HCFC2: variants seen among roughly 807,000 people sequenced by gnomAD.
HCFC2 encodes host cell factor C2, also known as host cell factor 2.
Under a neutral mutation model 89.2 loss-of-function variants are expected in HCFC2, and 18 were observed. The ratio of observed to expected loss-of-function variants is 0.20; its 90% CI spans 0.14 to 0.30. The LOEUF is 0.30. Among genes scored for constraint, HCFC2 ranks in the 10% least tolerant of loss-of-function variants. The probability of loss-of-function intolerance (pLI) is 1.00; values close to 1 mark genes in which losing one functional copy is unlikely to be tolerated. For synonymous variants in HCFC2, 308 were observed against 335.7 expected (o/e 0.92, Z 0.90); for missense variants, 578 against 956.1 (o/e 0.60, Z 5.21).
At chr12:104,090,507 T>TA (rs398116826) in intron 9 of HCFC2, among the ~76,000 whole-genome samples, 1 of 152,080 alleles carries the variant, frequency 6.6e-6, no homozygotes, top group African/African-American at 2.4e-5. Context: ...CTTTTTTTTT[T>TA]ATAAACTAGT....
chr12:104,080,097 T>A (rs1393672621), intron 4 of HCFC2, among the ~76,000 whole-genome samples: 1 of 152,186 alleles, frequency 6.6e-6, no homozygotes, highest in African/African-American at 2.4e-5. Flanking sequence ...TAGGAATGAA[T>A]GATTGGAGGG....
In HCFC2 at chr12:104,075,939, G is replaced by T. The variant is rs1475311014; in HGVS notation, c.474-3506G>T. Among the ~76,000 whole-genome samples the T allele has an allele frequency of 2.6e-5, 4 of 151,792 alleles. No homozygotes were observed. The East Asian group carries it at 7.7e-4, about 29-fold the overall frequency. The stretch of plus-strand genomic sequence containing the variant: ...TCTATTTTCTCTTTAAAAGTAATTT[G>T]CTACAATTTTTTAAAGATCTCCAAG... On this transcript the variant is annotated intron_variant, in intron 3 of 14. Transcript: ENST00000229330.
At chr12:104,100,123 A>G (rs1593613274) in intron 13 of HCFC2, among the ~76,000 whole-genome samples, 2 of 152,204 alleles carry the variant, frequency 1.3e-5, no homozygotes, top group Non-Finnish European at 2.9e-5. Flanking sequence ...AAGAAATCTA[A>G]AAACCCTGAT....
chr12:104,066,040 C>T, intron 1 of HCFC2, 127 bp from the exon 2 acceptor site: 1 of 896,418 alleles, frequency 1.1e-6, no homozygotes, highest in African/African-American at 1.7e-5. Flanking sequence ...CAGACATTAC[C>T]AAATGTCTTC....
In HCFC2 at chr12:104,093,470, C is replaced by G; in HGVS notation, c.1369C>G (p.Leu457Val). 5 of 1,613,348 alleles carry G rather than the reference C, an allele frequency of 3.1e-6. No individual in the cohort carries two copies. The highest frequency in any genetic ancestry group is 4.2e-6 in the Non-Finnish European group (5 of 1,179,514). ...SMKNKPDFKA[L>V]TDSNAILYPS... ...GAAAAACAAACCAGACTTTAAAGCA[C>G]TGACGGATTCTAATGCCATTTTATA... The change falls in exon 10 of 15, where the codon CTG becomes GTG. Residue 457 changes from leucine (L) to valine (V), a missense_variant. Coordinates refer to ENST00000229330, the MANE Select transcript of HCFC2 (RefSeq NM_013320.3).
intron 7 of HCFC2, among the ~76,000 whole-genome samples, chr12:104,085,530 A>T (rs1296627786): frequency 6.6e-6 from 1 of 152,188 alleles, no homozygotes; most frequent in African/African-American, 2.4e-5. Flanking sequence ...AAAGATTTTT[A>T]AAAATTGGAT....
intron 13 of HCFC2, among the ~76,000 whole-genome samples, chr12:104,100,558 A>T: frequency 6.6e-6 from 1 of 152,118 alleles, no homozygotes; most frequent in East Asian, 1.9e-4. Context: ...TGGATGACAG[A>T]GTGAGATGCT....
At position 104,064,995 on chromosome 12, in the gene HCFC2, C is replaced by G. The variant is rs1412360685; in HGVS notation, c.163+272C>G. On this transcript the variant is annotated intron_variant, in intron 1 of 14. Transcript: ENST00000229330. This position sits in a 1 kb window ranked among gnomAD's most constrained non-coding sequence, Gnocchi z 7.3. Reference sequence around the variant, plus strand: ...GATCCCGGACGCCCCCACCCCAGCCCGACAGGCGGACGCAGGCGACAGAAG... The same window carrying G: ...GATCCCGGACGCCCCCACCCCAGCCGGACAGGCGGACGCAGGCGACAGAAG... 2.9e-6 allele frequency: 1 copy of G among 350,288 alleles called. No homozygotes were observed. The highest frequency in any genetic ancestry group is 4.9e-5 in the Admixed American group (1 of 20,444). 21.7% of individuals were successfully genotyped at this position (350,288 alleles called of 1,614,324 possible).
At chr12:104,069,535 A>G (rs996735024) in intron 3 of HCFC2, among the ~76,000 whole-genome samples, 6 of 151,874 alleles carry the variant, frequency 4.0e-5, no homozygotes, top group African/African-American at 1.5e-4. Flanking sequence ...TAAAAAAAAA[A>G]AAAAAGATTT....
At position 104,068,101 on chromosome 12, in the gene HCFC2, T is replaced by A; in HGVS notation, c.467T>A (p.Val156Asp). 6.3e-7 allele frequency: 1 copy of A among 1,593,478 alleles called. No homozygotes were observed. Among genetic ancestry groups the A allele is most frequent in the South Asian group, 1.2e-5 (1 of 86,328 alleles). ...ANESEDSNNN[V>D]PRYLNDFYEL... ...GAAAGCGAAGATTCAAACAATAATG[T>A]TCCCAGGTATGCTGACTCTTTCAGA... is the stretch of plus-strand genomic sequence containing the variant. Residue 156 changes from valine to aspartate, a missense_variant, in exon 3 of 15, where the codon GTT (valine) becomes GAT (aspartate). By Grantham distance (152) the Val-to-Asp change is radical (BLOSUM62 -3). Transcript: ENST00000229330. The surrounding 1 kb of genome is among the most constrained non-coding windows in gnomAD (Gnocchi z 4.1).
At position 104,095,579 on chromosome 12, in the gene HCFC2, C is replaced by G; in HGVS notation, c.1666+16C>G. 1 of 1,591,996 alleles carries G rather than the reference C, an allele frequency of 6.3e-7. No individual in the cohort carries two copies. The highest frequency in any genetic ancestry group is 8.6e-7 in the Non-Finnish European group (1 of 1,160,260). ...AAATCTGAAGGTTTGAAATGTGTTTCACATACTGTATTTTGAACCATTTAT... is the reference window on the plus strand; with the variant it reads ...AAATCTGAAGGTTTGAAATGTGTTTGACATACTGTATTTTGAACCATTTAT... On this transcript the variant is annotated intron_variant, in intron 11 of 14. Transcript: ENST00000229330. The surrounding 1 kb of genome is among the most constrained non-coding windows in gnomAD (Gnocchi z 4.2).
intron 7 of HCFC2, among the ~76,000 whole-genome samples, chr12:104,084,643 G>T (rs1200948635): frequency 6.6e-6 from 1 of 152,180 alleles, no homozygotes; most frequent in Admixed American, 6.5e-5. Context: ...AAGGAGAGAT[G>T]TGACACATTC....
chr12:104,074,200 A>G (rs1234425994), intron 3 of HCFC2, among the ~76,000 whole-genome samples: 1 of 152,174 alleles, frequency 6.6e-6, no homozygotes, highest in Non-Finnish European at 1.5e-5. Context: ...GTACAGTGGC[A>G]TGATCACAGC....
chr12:104,066,735 CAG>C (rs1883159832), intron 2 of HCFC2, among the ~76,000 whole-genome samples: 1 of 152,208 alleles, frequency 6.6e-6, no homozygotes, highest in Non-Finnish European at 1.5e-5. Flanking sequence ...GTTTCTGAGT[CAG>C]AGGAAGGCCA....
chr12:104,087,255 G>A (rs1367411124), intron 8 of HCFC2, among the ~76,000 whole-genome samples: 1 of 151,216 alleles, frequency 6.6e-6, no homozygotes, highest in Non-Finnish European at 1.5e-5. Flanking sequence ...TTGGGAGGCT[G>A]AAGCAAAAGT....
rs1016726375 is a variant in HCFC2, at chr12:104,105,749, T to G, written c.*2476T>G. 1 of 152,066 alleles carries G rather than the reference T, an allele frequency of 6.6e-6. No individual in the cohort carries two copies. Among genetic ancestry groups the G allele is most frequent in the Non-Finnish European group, 1.5e-5 (1 of 67,924 alleles). 9.4% of individuals were successfully genotyped at this position (152,066 alleles called of 1,614,324 possible). A position where few individuals can be genotyped will look rare whatever the true frequency, so the allele number is the denominator to read the frequency against. ...GATGAATAGAATGAATTGGAGCAAA[T>G]AGCAAGAGAAGTGCATTTAGCTTCT... On this transcript the variant is annotated 3_prime_UTR_variant, in exon 15 of 15. Transcript: ENST00000229330.
intron 1 of HCFC2, among the ~76,000 whole-genome samples, chr12:104,065,478 A>G (rs1243425950): frequency 6.6e-6 from 1 of 152,234 alleles, no homozygotes; most frequent in South Asian, 2.1e-4. Context: ...GTCACAAGAA[A>G]TCTGTTTGGT....
intron 7 of HCFC2, 130 bp from the exon 8 acceptor site, chr12:104,086,716 CT>C (rs1566231914): frequency 1.6e-6 from 1 of 616,924 alleles, no homozygotes; most frequent in Non-Finnish European, 2.6e-6. Context: ...TCTGAGTAAA[CT>C]TTCCCTGTCT....
intron 11 of HCFC2, 111 bp from the exon 12 acceptor site, chr12:104,096,249 T>C (rs1884173435): frequency 4.8e-6 from 3 of 631,054 alleles, no homozygotes; most frequent in Non-Finnish European, 5.2e-6. Context: ...TTTGCTGTCT[T>C]AGCCATTTTT....
Sources: allele counts gnomAD v4.1 joint callset (sites outside exome capture counted in the v4.1 genomes callset), GRCh38; gene constraint gnomAD v4.1.1; non-coding constraint Gnocchi (gnomAD v3.1); transcripts MANE v1.5; gene names NCBI Gene and HGNC (gene_info 2026-07-23, HGNC 2026-07-21).